The following SLC5A8 variants were observed in gnomAD, a reference collection of about 807,000 sequenced individuals.
The protein encoded by SLC5A8 is solute carrier family 5 member 8, also known as sodium-coupled monocarboxylate transporter 1.
A neutral mutation model predicts 71.9 loss-of-function variants in SLC5A8; 55 were observed. The observed-to-expected ratio is 0.77, with a 90% CI of 0.62 to 0.96. SLC5A8 has a LOEUF of 0.96. SLC5A8 is among the 40% of genes least tolerant of loss of function. SLC5A8 has a pLI of 0.00. For missense variants in SLC5A8, 701 were observed against 745.3 expected, an observed-to-expected ratio of 0.94 and a Z score of 0.69; for synonymous variants, 307 against 276.1, an observed-to-expected ratio of 1.11 and a Z score of -1.11.
intron 7 of SLC5A8, among the ~76,000 whole-genome samples, chr12:101,186,533 T>A (rs1180850391): frequency 6.6e-6 from 1 of 152,186 alleles, no homozygotes; most frequent in Non-Finnish European, 1.5e-5. Flanking sequence ...TGAATTCTAG[T>A]TCCCCTTTTT....
intron 5 of SLC5A8, among the ~76,000 whole-genome samples, chr12:101,190,930 AGAG>A (rs1566319178): frequency 6.6e-6 from 1 of 152,212 alleles, no homozygotes; most frequent in Non-Finnish European, 1.5e-5. Context: ...TGATATAATC[AGAG>A]AAGAACATGA....
Position 101,158,348 on chromosome 12 carries a change from T to G in SLC5A8, c.1631-20A>C. On this transcript the variant is annotated intron_variant, in intron 13 of 14. Coordinates refer to ENST00000536262, the MANE Select transcript of SLC5A8 (RefSeq NM_145913.5). ...TTCCTCCTGGAAAAAAAAATGTACA[T>G]GACTTACGTTGTTAAAAAGGACACC... The G allele has an allele frequency of 6.7e-7, 1 of 1,498,436 alleles. No individual in the cohort carries two copies. The highest frequency in any genetic ancestry group is 9.2e-7 in the Non-Finnish European group (1 of 1,089,636). 92.8% of individuals were successfully genotyped at this position (1,498,436 alleles called of 1,614,324 possible). A position where few individuals can be genotyped will look rare whatever the true frequency, so the allele number is the denominator to read the frequency against.
intron 7 of SLC5A8, among the ~76,000 whole-genome samples, chr12:101,184,826 C>G (rs963364203): frequency 1.3e-5 from 2 of 152,200 alleles, no homozygotes; most frequent in African/African-American, 4.8e-5. Context: ...TGTTAAAAAA[C>G]TTCCTGATAC....
Position 101,202,049 on chromosome 12 carries a change from G to T in SLC5A8, c.469+115C>A. On this transcript the variant is annotated intron_variant, in intron 3 of 14. Transcript: ENST00000536262. ...CCATCCTGCCCCGCTAAGTAAAGCT[G>T]ATGCAGGTTACTAGAAGCATTCCTC... 5 of 1,029,122 alleles carry T rather than the reference G, an allele frequency of 4.9e-6. No homozygotes were observed. In the South Asian group the frequency reaches 6.8e-5, roughly 14 times the overall value. The allele number at this position is 1,029,122 out of a possible 1,614,324, so 63.7% of individuals were successfully genotyped here.
At chr12:101,166,419 A>C (rs979494335) in intron 12 of SLC5A8, 75 bp downstream of exon 12, 1 of 1,299,222 alleles carries the variant, frequency 7.7e-7, no homozygotes, top group African/African-American at 1.5e-5. Flanking sequence ...TGTAAGCAAG[A>C]CAAAAAGCAA....
At chr12:101,193,851 A>G (rs1869040901) in intron 4 of SLC5A8, 72 bp from the exon 5 acceptor site, 1 of 1,431,702 alleles carries the variant, frequency 7.0e-7, no homozygotes, top group Non-Finnish European at 9.5e-7. Context: ...CTTATACACT[A>G]TACTGGAGAA....
chr12:101,209,435 C>T (rs1869819745), intron 1 of SLC5A8, 63 bp downstream of exon 1: 1 of 1,337,566 alleles, frequency 7.5e-7, no homozygotes, highest in Non-Finnish European at 1.0e-6. Flanking sequence ...AAAACGCCTC[C>T]AGAGGTCTGC....
intron 3 of SLC5A8, among the ~76,000 whole-genome samples, chr12:101,201,888 T>G (rs1869468257): frequency 6.6e-6 from 1 of 152,128 alleles, no homozygotes. Flanking sequence ...TACAGGGAGC[T>G]TTAATTCTAA....
At chr12:101,169,114 G>T (rs1423214229) in intron 10 of SLC5A8, among the ~76,000 whole-genome samples, 2 of 152,146 alleles carry the variant, frequency 1.3e-5, no homozygotes, top group Non-Finnish European at 2.9e-5. Context: ...TCCTGAGTCA[G>T]TTTACACACA....
At position 101,195,132 on chromosome 12, in the gene SLC5A8, A is replaced by G. The variant is rs753187538; in HGVS notation, c.500T>C (p.Val167Ala). 1.6e-5 allele frequency: 26 copies of G among 1,614,046 alleles called. No individual in the cohort carries two copies. The highest frequency in any genetic ancestry group is 2.1e-5 in the Non-Finnish European group (25 of 1,180,016). ...VTGFDLWGAV[V>A]ATGVVCTFYC... ...GAATGTGCAGACCACCCCCGTTGCC[A>G]CTACCGCGCCCCACAGATCAAATCC... Residue 167 changes from valine (V) to alanine (A), a missense_variant, in exon 4 of 15, where the codon GTG becomes GCG. Physicochemically the swap from Val to Ala is moderately conservative, Grantham distance 64. Coordinates refer to ENST00000536262, the MANE Select transcript of SLC5A8 (RefSeq NM_145913.5).
chr12:101,196,859 T>C (rs977882311), intron 3 of SLC5A8, among the ~76,000 whole-genome samples: 8 of 152,206 alleles, frequency 5.3e-5, no homozygotes, highest in African/African-American at 1.9e-4. Context: ...TCCTGATAAC[T>C]GGGCCACTCA....
At chr12:101,195,576 C>G (rs1392971040) in intron 3 of SLC5A8, among the ~76,000 whole-genome samples, 6 of 151,694 alleles carry the variant, frequency 4.0e-5, no homozygotes, top group African/African-American at 1.5e-4. Context: ...ATGACAATAT[C>G]AAATTGCTAT....
At position 101,163,355 on chromosome 12, in the gene SLC5A8, C is replaced by G. The variant is rs150621640; in HGVS notation, c.1527-1278G>C. ...AAAACCTGGGGCATGGGGAGGGAGG[C>G]AGGTTTTTGAAGCTATCAGAGAGAT... On this transcript the variant is annotated intron_variant, in intron 12 of 14. Coordinates refer to ENST00000536262, the MANE Select transcript of SLC5A8 (RefSeq NM_145913.5). Among the ~76,000 whole-genome samples the G allele has an allele frequency of 9.2e-3, 1,396 of 152,164 alleles. 23 individuals carry two copies. The highest frequency in any genetic ancestry group is 0.051 in the East Asian group (262 of 5,178).
chr12:101,164,980 A>G (rs1284337230), intron 12 of SLC5A8, among the ~76,000 whole-genome samples: 1 of 152,180 alleles, frequency 6.6e-6, no homozygotes, highest in Non-Finnish European at 1.5e-5. Flanking sequence ...AAATGTATCA[A>G]GTATTTTTTA....
chr12:101,202,178 A>T lies in SLC5A8; in HGVS notation c.455T>A (p.Leu152Gln). The T allele has an allele frequency of 6.2e-7, 1 of 1,609,336 alleles. No individual in the cohort carries two copies. Among genetic ancestry groups the T allele is most frequent in the South Asian group, 1.1e-5 (1 of 90,810 alleles). ...CTAAAATGTACCTTGATTCAAAGCC[A>T]GGGCAGGGGCATAAATAACAATTCC... The part of the protein sequence containing the change: ...YTGIVIYAPA[L>Q]ALNQVTGFDL... Residue 152 changes from leucine to glutamine, a missense_variant, in exon 3 of 15, where the codon CTG becomes CAG. Leu to Gln is a moderately radical substitution (Grantham distance 113, BLOSUM62 -2). Transcript: ENST00000536262.
intron 12 of SLC5A8, among the ~76,000 whole-genome samples, chr12:101,165,445 C>G (rs1375721219): frequency 6.6e-6 from 1 of 152,122 alleles, no homozygotes; most frequent in African/African-American, 2.4e-5. Context: ...TCCCAGTCCC[C>G]TCCCATTAGT....
intron 9 of SLC5A8, among the ~76,000 whole-genome samples, chr12:101,180,428 G>T (rs1376127674): frequency 1.3e-5 from 2 of 152,196 alleles, no homozygotes; most frequent in Non-Finnish European, 2.9e-5. Flanking sequence ...TGTATATAAA[G>T]AAAGGCTCAG....
intron 10 of SLC5A8, among the ~76,000 whole-genome samples, chr12:101,176,108 C>T (rs2051877680): frequency 6.6e-6 from 1 of 151,914 alleles, no homozygotes; most frequent in African/African-American, 2.4e-5. Context: ...CAAAAAAACT[C>T]ACTTCTAATA....
At chr12:101,200,009 CAAAAAAAAAAAAAAAAAAAAAAAAAA>C (rs1182463470) in intron 3 of SLC5A8, among the ~76,000 whole-genome samples, 1 of 9,640 alleles carries the variant, frequency 1.0e-4, no homozygotes, top group Non-Finnish European at 2.0e-4. Flanking sequence ...GTACTACCAG[CAAAAAAAAAAAAAAAAAAAAAAAAAA>C]AAAAAAAAAA....
Sources: gnomAD v4.1 joint callset for allele counts (sites outside exome capture counted in the v4.1 genomes callset) on GRCh38, gnomAD v4.1.1 for gene constraint, MANE v1.5 for transcripts, NCBI Gene and HGNC (gene_info 2026-07-23, HGNC 2026-07-21) for gene names.